Variants in ABCC4 observed in about 807,000 individuals in gnomAD.
ABCC4 encodes the protein ATP-binding cassette sub-family C member 4.
Under a neutral mutation model 168.5 loss-of-function variants are expected in ABCC4, and 102 were observed. The observed-to-expected ratio is 0.61, with a 90% CI of 0.52 to 0.71. The LOEUF (loss-of-function observed/expected upper bound fraction) is 0.71. Among genes scored for constraint, ABCC4 ranks in the 30% least tolerant of loss-of-function variants. The pLI is 0.00. For missense variants in ABCC4, 1,402 were observed against 1,605.8 expected, an observed-to-expected ratio of 0.87 and a Z score of 2.17; for synonymous variants, 617 against 590.7, an observed-to-expected ratio of 1.04 and a Z score of -0.65.
chr13:95,029,759 A>G (rs2139211323), intron 30 of ABCC4, among the ~76,000 whole-genome samples: 1 of 152,344 alleles, frequency 6.6e-6, no homozygotes, highest in South Asian at 2.1e-4. Context: ...TATATTTGTA[A>G]AACACCTTAT....
chr13:95,198,148 G>T (rs2038514286), intron 8 of ABCC4, among the ~76,000 whole-genome samples: 1 of 152,070 alleles, frequency 6.6e-6, no homozygotes, highest in Admixed American at 6.5e-5. Context: ...CACAGCAAAA[G>T]AAACTCTCAT....
intron 26 of ABCC4, among the ~76,000 whole-genome samples, chr13:95,057,503 G>T (rs2033109403): frequency 6.6e-6 from 1 of 152,158 alleles, no homozygotes; most frequent in Non-Finnish European, 1.5e-5. Context: ...CTCCCAAAGT[G>T]CTGGGATTAC....
chr13:95,212,188 A>T (rs115962025), intron 4 of ABCC4, among the ~76,000 whole-genome samples: 4,639 of 149,832 alleles, frequency 0.031, 281 homozygotes, highest in African/African-American at 0.11. Context: ...AAAAAAAATT[A>T]AAAAATGCTA....
chr13:95,275,609 C>T lies in ABCC4; in HGVS notation c.74+25632G>A, dbSNP rs533805173. ...ATAGGAAAATGTTTAGGACTCTTGG[C>T]GGTGACTCTAGAACTAGGAAATCAA... is the stretch of plus-strand genomic sequence containing the variant. On this transcript the variant is annotated intron_variant, in intron 1 of 30. Coordinates refer to ENST00000645237, the MANE Select transcript of ABCC4 (RefSeq NM_005845.5). Among the ~76,000 whole-genome samples the T allele has an allele frequency of 1.7e-3, 187 of 112,666 alleles. 1 individual carries two copies. The highest frequency in any genetic ancestry group is 4.3e-3 in the African/African-American group (146 of 33,622). The allele number at this position is 112,666 out of a possible 152,430, so 73.9% of individuals were successfully genotyped here.
At chr13:95,119,846 T>C (rs1320832042) in intron 19 of ABCC4, among the ~76,000 whole-genome samples, 2 of 152,244 alleles carry the variant, frequency 1.3e-5, no homozygotes, top group African/African-American at 4.8e-5. Context: ...CAATGAATTT[T>C]AGTAACTTTA....
At chr13:95,217,784 C>A (rs1034624618) in intron 4 of ABCC4, among the ~76,000 whole-genome samples, 1 of 152,108 alleles carries the variant, frequency 6.6e-6, no homozygotes, top group Admixed American at 6.6e-5. Flanking sequence ...TCATCACCTT[C>A]ACGATGCAAA....
At chr13:95,027,683 T>C (rs188744016) in intron 30 of ABCC4, among the ~76,000 whole-genome samples, 1 of 152,160 alleles carries the variant, frequency 6.6e-6, no homozygotes, top group South Asian at 2.1e-4. Flanking sequence ...TGTTATTGTT[T>C]ATAATGGGGA....
intron 19 of ABCC4, among the ~76,000 whole-genome samples, chr13:95,128,685 G>A (rs921454493): frequency 5.9e-5 from 9 of 152,156 alleles, no homozygotes; most frequent in Admixed American, 2.6e-4. Flanking sequence ...TTCCCTAGAC[G>A]CAGACGATTA....
intron 1 of ABCC4, among the ~76,000 whole-genome samples, chr13:95,268,861 G>A (rs1260954419): frequency 4.0e-5 from 6 of 151,796 alleles, no homozygotes; most frequent in East Asian, 1.9e-4. Context: ...GTCCTGGCGC[G>A]GGTTCTCCGT....
intron 25 of ABCC4, among the ~76,000 whole-genome samples, chr13:95,065,138 C>G (rs2033484087): frequency 6.6e-6 from 1 of 152,138 alleles, no homozygotes; most frequent in Non-Finnish European, 1.5e-5. Flanking sequence ...AAATTCTTCC[C>G]CAAGTTCACA....
At position 95,250,425 on chromosome 13, in the gene ABCC4, T is replaced by C. The variant is rs188054464; in HGVS notation, c.75-2672A>G. ...AATCCCCATTATGCCTGGTATGTGA[T>C]AGATACTCAATAAACAGTTATGGAA... On this transcript the variant is annotated intron_variant, in intron 1 of 30. Coordinates refer to ENST00000645237, the MANE Select transcript of ABCC4 (RefSeq NM_005845.5). Among the ~76,000 whole-genome samples, 9 of 152,334 alleles carry C rather than the reference T, an allele frequency of 5.9e-5. No individual in the cohort carries two copies. The East Asian group carries it at 1.4e-3, about 23-fold the overall frequency.
Position 95,166,335 on chromosome 13 carries a change from C to T in ABCC4, c.1857G>A (p.Glu619=). ...GKMVQKGTYT[E]FLKSGIDFGS... ...CAAAATCTATACCAGATTTTAGGAA[C>T]TCAGTGTAAGTCCCCTTCTGCACCA... Residue 619 remains glutamate, a synonymous_variant, in exon 15 of 31, where the codon GAG becomes GAA. Coordinates refer to ENST00000645237, the MANE Select transcript of ABCC4 (RefSeq NM_005845.5). The T allele has an allele frequency of 6.2e-7, 1 of 1,613,356 alleles. No homozygotes were observed. The highest frequency in any genetic ancestry group is 8.5e-7 in the Non-Finnish European group (1 of 1,180,016).
chr13:95,105,367 G>A (rs57440255), intron 20 of ABCC4, among the ~76,000 whole-genome samples: 2,156 of 152,192 alleles, frequency 0.014, 59 homozygotes, highest in African/African-American at 0.049. Flanking sequence ...GTACTGGTCT[G>A]TGGCCCAGGG....
intron 20 of ABCC4, among the ~76,000 whole-genome samples, chr13:95,092,378 TG>T (rs1267757553): frequency 7.2e-5 from 11 of 152,186 alleles, no homozygotes. Context: ...CGACAGTGCA[TG>T]GAACTTTTTC....
At chr13:95,175,253 G>C (rs1483326272) in intron 13 of ABCC4, among the ~76,000 whole-genome samples, 1 of 152,080 alleles carries the variant, frequency 6.6e-6, no homozygotes, top group East Asian at 1.9e-4. Flanking sequence ...AAGTTCCTAT[G>C]TTCCAGCCCT....
intron 20 of ABCC4, among the ~76,000 whole-genome samples, chr13:95,115,275 T>TTG (rs2139410435): frequency 6.7e-6 from 1 of 148,800 alleles, no homozygotes; most frequent in African/African-American, 2.4e-5. Flanking sequence ...GATTGTTGGT[T>TTG]TTTTTTTTTT....
chr13:95,185,255 GA>G (rs939319460), intron 11 of ABCC4, among the ~76,000 whole-genome samples: 1 of 150,802 alleles, frequency 6.6e-6, no homozygotes, highest in Non-Finnish European at 1.5e-5. Context: ...GTGAGACAGA[GA>G]AAAAAAAATA....
intron 9 of ABCC4, among the ~76,000 whole-genome samples, chr13:95,193,598 C>A (rs2038326195): frequency 6.6e-6 from 1 of 152,240 alleles, no homozygotes; most frequent in African/African-American, 2.4e-5. Flanking sequence ...TCCAGACTAA[C>A]ACAGACTGAG....
intron 19 of ABCC4, among the ~76,000 whole-genome samples, chr13:95,134,678 C>T (rs975805740): frequency 6.6e-6 from 1 of 152,058 alleles, no homozygotes. Context: ...CAAGATCACA[C>T]CACTGCACTC....
Sources: allele counts gnomAD v4.1 joint callset (sites outside exome capture counted in the v4.1 genomes callset), GRCh38; gene constraint gnomAD v4.1.1; transcripts MANE v1.5; gene names NCBI Gene and HGNC (gene_info 2026-07-23, HGNC 2026-07-21).